PDE3A: variants seen among roughly 807,000 people sequenced by gnomAD.
PDE3A encodes cGMP-inhibited 3',5'-cyclic phosphodiesterase 3A.
A neutral mutation model predicts 98.3 loss-of-function variants in PDE3A; 43 were observed. The observed-to-expected ratio is 0.44, with a 90% confidence interval of 0.34 to 0.56. The LOEUF is 0.56. PDE3A is among the 20% of genes least tolerant of loss of function. The pLI, the probability that PDE3A is intolerant of heterozygous loss-of-function variation, is 0.01. For missense variants in PDE3A, 1,427 were observed against 1,440.7 expected (o/e 0.99, Z 0.15); for synonymous variants, 663 against 567.9 (o/e 1.17, Z -2.38).
At chr12:20,481,606 T>C (rs977552199) in intron 1 of PDE3A, among the ~76,000 whole-genome samples, 2 of 151,956 alleles carry the variant, frequency 1.3e-5, no homozygotes, top group African/African-American at 4.8e-5. Flanking sequence ...CCAGCAAAAA[T>C]AAGTAAAGGA....
At chr12:20,435,836 G>C (rs889492799) in intron 1 of PDE3A, among the ~76,000 whole-genome samples, 1 of 152,152 alleles carries the variant, frequency 6.6e-6, no homozygotes, top group Non-Finnish European at 1.5e-5. Context: ...GTACAATATA[G>C]TGTCAGAGCT....
intron 1 of PDE3A, among the ~76,000 whole-genome samples, chr12:20,516,441 T>G (rs1181232085): frequency 6.6e-6 from 1 of 152,204 alleles, no homozygotes; most frequent in Non-Finnish European, 1.5e-5. Flanking sequence ...ACACGACCAG[T>G]TCTACTTCAC....
intron 1 of PDE3A, among the ~76,000 whole-genome samples, chr12:20,501,016 C>T (rs1168710428): frequency 1.3e-5 from 2 of 152,128 alleles, no homozygotes; most frequent in African/African-American, 4.8e-5. Context: ...AATCTGCCCA[C>T]CTCGGTCTCC....
intron 1 of PDE3A, 65 bp downstream of exon 1, chr12:20,370,309 T>G (rs1943444511): frequency 7.1e-7 from 1 of 1,416,270 alleles, no homozygotes; most frequent in African/African-American, 1.4e-5. Context: ...CGGCGCAGAG[T>G]GGAGAGAATC....
intron 2 of PDE3A, among the ~76,000 whole-genome samples, chr12:20,599,635 T>C (rs1395788117): frequency 6.6e-6 from 1 of 152,230 alleles, no homozygotes; most frequent in Non-Finnish European, 1.5e-5. Flanking sequence ...GAAAGGTTAC[T>C]CCTGTACCCC....
intron 1 of PDE3A, among the ~76,000 whole-genome samples, chr12:20,532,070 G>C (rs1208032845): frequency 1.3e-5 from 2 of 151,966 alleles, no homozygotes; most frequent in African/African-American, 4.8e-5. Context: ...CAGATACATT[G>C]AAAACTTTAA....
intron 1 of PDE3A, among the ~76,000 whole-genome samples, chr12:20,515,699 A>ATTTAT (rs1946306896): frequency 1.4e-5 from 2 of 141,042 alleles, no homozygotes; most frequent in Admixed American, 7.1e-5. Context: ...CTCACACTGT[A>ATTTAT]TTATTTATTT....
At chr12:20,436,091 A>G (rs1331140979) in intron 1 of PDE3A, among the ~76,000 whole-genome samples, 5 of 152,200 alleles carry the variant, frequency 3.3e-5, no homozygotes, top group Non-Finnish European at 1.5e-5. Flanking sequence ...GGGAGCTGCT[A>G]GAAATGCAGG....
At chr12:20,449,770 T>A (rs146594664) in intron 1 of PDE3A, 8 of 494,598 alleles carry the variant, frequency 1.6e-5, no homozygotes, top group Admixed American at 7.2e-5. Context: ...CATTCACCAG[T>A]GCTGTGAGGG....
chr12:20,615,580 ATAATAAC>A (rs914384295), intron 3 of PDE3A, among the ~76,000 whole-genome samples: 1 of 152,216 alleles, frequency 6.6e-6, no homozygotes, highest in African/African-American at 2.4e-5. Flanking sequence ...AGAACTTCTC[ATAATAAC>A]TAATATGTGT....
chr12:20,646,860 G>A lies in PDE3A; in HGVS notation c.2475G>A (p.Glu825=). ...TGTCTGGGAATATCCCTGCCTTGGA[G>A]TTGATGGCGCTGTATGTGGCTGCAG... ...GCLSGNIPAL[E]LMALYVAAAM... is the part of the protein sequence containing the mutation. The change falls in exon 12 of 16, where the codon GAG becomes GAA. Residue 825 remains glutamate (E), a synonymous_variant. Coordinates refer to ENST00000359062, the MANE Select transcript of PDE3A (RefSeq NM_000921.5). The A allele has an allele frequency of 6.2e-7, 1 of 1,613,740 alleles. No homozygotes were observed. Among genetic ancestry groups the A allele is most frequent in the African/African-American group, 1.3e-5 (1 of 75,026 alleles).
chr12:20,577,315 G>A (rs1445421836), intron 2 of PDE3A, among the ~76,000 whole-genome samples: 1 of 152,066 alleles, frequency 6.6e-6, no homozygotes, highest in East Asian at 1.9e-4. Context: ...ATGATGAAAT[G>A]GTGGGTTAGG....
At chr12:20,525,383 T>C (rs1431556022) in intron 1 of PDE3A, among the ~76,000 whole-genome samples, 3 of 151,926 alleles carry the variant, frequency 2.0e-5, no homozygotes, top group Non-Finnish European at 4.4e-5. Flanking sequence ...AAGATGGAGT[T>C]TGAGGGACTA....
chr12:20,469,480 A>G (rs987755675), intron 1 of PDE3A, among the ~76,000 whole-genome samples: 1 of 152,132 alleles, frequency 6.6e-6, no homozygotes, highest in Non-Finnish European at 1.5e-5. Flanking sequence ...CCACTCTCTA[A>G]TGAGTCTTTG....
chr12:20,369,192 T>TGCGA lies in PDE3A; in HGVS notation c.-92_-91insCGAG, dbSNP rs764784119. 4.8e-6 allele frequency: 1 copy of TGCGA among 206,818 alleles called. No homozygotes were observed. The highest frequency in any genetic ancestry group is 1.4e-4 in the African/African-American group (1 of 7,378). 12.8% of individuals were successfully genotyped at this position (206,818 alleles called of 1,614,324 possible). On this transcript the variant is annotated 5_prime_UTR_variant, in exon 1 of 16. Transcript: ENST00000359062. ...TGGAATTGGGAAGAGCGTGCGTGCG[T>TGCGA]GTGTGTGTGTGTGTGTGTGCGCGCG...
intron 9 of PDE3A, 142 bp downstream of exon 9, chr12:20,637,379 C>T (rs1306555497): frequency 3.8e-6 from 2 of 526,574 alleles, no homozygotes; most frequent in African/African-American, 2.0e-5. Context: ...CTGTAGATTC[C>T]TTGCTGTGTG....
chr12:20,423,294 T>C (rs149401031), intron 1 of PDE3A, among the ~76,000 whole-genome samples: 363 of 152,274 alleles, frequency 2.4e-3, no homozygotes, highest in African/African-American at 8.4e-3. Flanking sequence ...AAAATCAATT[T>C]TTCTCCCAAA....
At chr12:20,649,777 T>C (rs117727007) in intron 13 of PDE3A, among the ~76,000 whole-genome samples, 1 of 151,826 alleles carries the variant, frequency 6.6e-6, no homozygotes, top group Non-Finnish European at 1.5e-5. Flanking sequence ...AATACAAAAA[T>C]TGGCCAGGTG....
At chr12:20,395,465 A>G (rs747329142) in intron 1 of PDE3A, among the ~76,000 whole-genome samples, 10 of 139,528 alleles carry the variant, frequency 7.2e-5, no homozygotes, top group Non-Finnish European at 1.5e-4. Context: ...AGTATTATAT[A>G]TGTATACTAT....
Sources: gnomAD v4.1 joint callset for allele counts (sites outside exome capture counted in the v4.1 genomes callset) on GRCh38, gnomAD v4.1.1 for gene constraint, MANE v1.5 for transcripts, NCBI Gene and HGNC (gene_info 2026-07-23, HGNC 2026-07-21) for gene names.